The following SLIT1 variants were observed in gnomAD, a reference collection of about 807,000 sequenced individuals.
The protein encoded by SLIT1 is slit guidance ligand 1, also known as slit homolog 1 protein.
SLIT1 carries 66 observed loss-of-function variants against 186.1 expected under a neutral mutation model. The ratio of observed to expected loss-of-function variants is 0.35; its 90% CI spans 0.29 to 0.44. SLIT1 has a LOEUF of 0.44. SLIT1 is among the 20% of genes least tolerant of loss of function. The pLI is 1.00. For missense variants in SLIT1, 1,638 were observed against 2,037.4 expected (o/e 0.80, Z 3.77); for synonymous variants, 761 against 833.8 (o/e 0.91, Z 1.50).
At chr10:97,158,455 A>G (rs975479418) in intron 3 of SLIT1, among the ~76,000 whole-genome samples, 1 of 152,086 alleles carries the variant, frequency 6.6e-6, no homozygotes, top group Non-Finnish European at 1.5e-5. Flanking sequence ...TGAGGTCAGG[A>G]GTTCGAGGCC....
intron 16 of SLIT1, 22 bp from the exon 17 acceptor site, chr10:97,047,087 T>C (rs770173158): frequency 2.4e-5 from 36 of 1,491,876 alleles, no homozygotes; most frequent in Non-Finnish European, 3.3e-5. Context: ...AAGAATGAAC[T>C]TGCACATTCA....
In SLIT1 at chr10:97,000,856, A is replaced by G. The variant is rs1024212597; in HGVS notation, c.*256T>C. On this transcript the variant is annotated 3_prime_UTR_variant, in exon 37 of 37. Transcript: ENST00000266058. ...GCACACATTCACTCAACAAATATTT[A>G]TTAAGCGCCTATTTGTGCAAGGCAC... 2 of 530,538 alleles carry G rather than the reference A, an allele frequency of 3.8e-6. No individual in the cohort carries two copies. Among genetic ancestry groups the G allele is most frequent in the Non-Finnish European group, 3.4e-6 (1 of 295,660 alleles). 32.9% of individuals were successfully genotyped at this position (530,538 alleles called of 1,614,324 possible). A position where few individuals can be genotyped will look rare whatever the true frequency, so the allele number is the denominator to read the frequency against.
At chr10:97,017,853 T>C (rs567579254) in intron 28 of SLIT1, among the ~76,000 whole-genome samples, 7 of 150,642 alleles carry the variant, frequency 4.6e-5, no homozygotes, top group East Asian at 3.9e-4. Flanking sequence ...CTTTTCTTTT[T>C]TTTTTTTTTT....
chr10:97,061,672 C>T lies in SLIT1; in HGVS notation c.794-885G>A, dbSNP rs115469684. On this transcript the variant is annotated intron_variant, in intron 8 of 36. Transcript: ENST00000266058. ...GTAGTATTCCATTATATGGATACATCATAATTAGTTGGTGGATATTCAGGT... is the reference window on the plus strand; with the variant it reads ...GTAGTATTCCATTATATGGATACATTATAATTAGTTGGTGGATATTCAGGT... 6.0e-3 allele frequency among the ~76,000 whole-genome samples: 910 copies of T among 152,206 alleles called. 5 individuals are homozygous for T. The highest frequency in any genetic ancestry group is 0.021 in the African/African-American group (859 of 41,520).
At position 97,008,552 on chromosome 10, in the gene SLIT1, C is replaced by A. The variant is rs185151524; in HGVS notation, c.3342-1832G>T. ...TCTACTAAAAATACAAAAAATTAGCCAGGCGTGGTGGCACATGCCTATAAT... is the reference window on the plus strand; with the variant it reads ...TCTACTAAAAATACAAAAAATTAGCAAGGCGTGGTGGCACATGCCTATAAT... On this transcript the variant is annotated intron_variant, in intron 31 of 36. Transcript: ENST00000266058. Among the ~76,000 whole-genome samples, 58 of 152,154 alleles carry A rather than the reference C, an allele frequency of 3.8e-4. 1 individual carries two copies. Among genetic ancestry groups the A allele is most frequent in the African/African-American group, 1.2e-3 (51 of 41,524 alleles).
chr10:97,166,667 G>GAAAAGAA (rs1382883054), intron 1 of SLIT1, among the ~76,000 whole-genome samples: 3 of 144,332 alleles, frequency 2.1e-5, no homozygotes, highest in Non-Finnish European at 4.6e-5. Flanking sequence ...AAAGAAAAGA[G>GAAAAGAA]AAAAGAAAAA....
At chr10:97,167,652 G>A (rs182866972) in intron 1 of SLIT1, among the ~76,000 whole-genome samples, 104 of 152,252 alleles carry the variant, frequency 6.8e-4, no homozygotes, top group Non-Finnish European at 4.0e-4. Context: ...TCTAAGAGCC[G>A]GCTTGATATG....
rs114387396 is a variant in SLIT1 at position 97,066,397 on chromosome 10, C to T, written c.414-311G>A. 5.6e-3 allele frequency among the ~76,000 whole-genome samples: 859 copies of T among 152,268 alleles called. 6 individuals carry two copies. The highest frequency in any genetic ancestry group is 0.02 in the African/African-American group (816 of 41,554). On this transcript the variant is annotated intron_variant, in intron 4 of 36. Transcript: ENST00000266058. ...CCTGGGGCAGCTACGATCAGCCCTGCCAGACCCCACCTGATGTAGTTTGGA... is the reference window on the plus strand; with the variant it reads ...CCTGGGGCAGCTACGATCAGCCCTGTCAGACCCCACCTGATGTAGTTTGGA...
intron 29 of SLIT1, 72 bp downstream of exon 29, chr10:97,013,947 T>G (rs1848432115): frequency 6.3e-7 from 1 of 1,585,364 alleles, no homozygotes; most frequent in Non-Finnish European, 8.6e-7. Flanking sequence ...CCCCTTCCAC[T>G]CCCGAGCATG....
chr10:97,028,157 T>G (rs1227349975), intron 25 of SLIT1, among the ~76,000 whole-genome samples: 1 of 151,966 alleles, frequency 6.6e-6, no homozygotes, highest in Non-Finnish European at 1.5e-5. Flanking sequence ...AACCAAAAAT[T>G]ACCCAACACA....
At chr10:97,167,675 A>G (rs1850138027) in intron 1 of SLIT1, among the ~76,000 whole-genome samples, 1 of 152,172 alleles carries the variant, frequency 6.6e-6, no homozygotes, top group African/African-American at 2.4e-5. Flanking sequence ...TTGGCTGTGT[A>G]CCCACCTAAA....
intron 4 of SLIT1, among the ~76,000 whole-genome samples, chr10:97,103,970 T>C (rs1849387488): frequency 6.6e-6 from 1 of 152,194 alleles, no homozygotes; most frequent in Non-Finnish European, 1.5e-5. Flanking sequence ...AACTACCTGC[T>C]GAGCACCCCT....
Position 97,027,058 on chromosome 10 carries a change from C to T in SLIT1, c.2582+3699G>A, listed in dbSNP as rs143195695. On this transcript the variant is annotated intron_variant, in intron 25 of 36. Transcript: ENST00000266058. ...CCACACTGCGAGTGGACAGGAGAGG[C>T]CCTGGCCAGAGTCAGATCAGGAGCA... is the stretch of plus-strand genomic sequence containing the variant. Among the ~76,000 whole-genome samples, 326 of 152,296 alleles carry T rather than the reference C, an allele frequency of 2.1e-3. 3 individuals carry two copies. The highest frequency in any genetic ancestry group is 7.5e-3 in the African/African-American group (311 of 41,558).
intron 12 of SLIT1, among the ~76,000 whole-genome samples, 154 bp downstream of exon 12, chr10:97,057,056 A>G (rs1057490149): frequency 1.3e-5 from 2 of 152,154 alleles, no homozygotes; most frequent in Admixed American, 1.3e-4. Flanking sequence ...AGCCCTGGAG[A>G]CTTTCTCAGC....
chr10:97,097,741 T>C (rs1190904006), intron 4 of SLIT1, among the ~76,000 whole-genome samples: 1 of 152,242 alleles, frequency 6.6e-6, no homozygotes, highest in African/African-American at 2.4e-5. Flanking sequence ...CTCTGCTATA[T>C]GTCCTGGTCT....
intron 4 of SLIT1, among the ~76,000 whole-genome samples, chr10:97,120,781 T>A (rs1436980297): frequency 6.6e-6 from 1 of 152,162 alleles, no homozygotes; most frequent in Non-Finnish European, 1.5e-5. Context: ...TTTGCCTCAT[T>A]GCTCCATGGT....
chr10:97,098,157 G>A lies in SLIT1; in HGVS notation c.414-32071C>T, dbSNP rs187466089. ...TGGGACAGTGGTGGGGTTGTGCAGG[G>A]AATGTGAACGTGCACACAGGCATAG... On this transcript the variant is annotated intron_variant, in intron 4 of 36. Transcript: ENST00000266058. Among the ~76,000 whole-genome samples, 283 of 152,322 alleles carry A rather than the reference G, an allele frequency of 1.9e-3. 1 individual carries two copies. Among genetic ancestry groups the A allele is most frequent in the Non-Finnish European group, 3.5e-3 (235 of 68,038 alleles).
intron 4 of SLIT1, among the ~76,000 whole-genome samples, chr10:97,095,529 A>T (rs1849278822): frequency 6.6e-6 from 1 of 152,198 alleles, no homozygotes; most frequent in Non-Finnish European, 1.5e-5. Context: ...TCCCAAATGA[A>T]AAAAGGGATA....
chr10:97,018,828 C>A (rs1848477795), intron 27 of SLIT1, 145 bp from the exon 28 acceptor site: 1 of 631,558 alleles, frequency 1.6e-6, no homozygotes. Context: ...TTCATTCATT[C>A]ATTCATTCAT....
Sources: gnomAD v4.1 joint callset for allele counts (sites outside exome capture counted in the v4.1 genomes callset) on GRCh38, gnomAD v4.1.1 for gene constraint, MANE v1.5 for transcripts, NCBI Gene and HGNC (gene_info 2026-07-23, HGNC 2026-07-21) for gene names.